Variants in KATNAL2 observed in about 807,000 individuals in gnomAD.
KATNAL2 encodes katanin p60 ATPase-containing subunit A-like 2.
KATNAL2 carries 52 observed loss-of-function variants against 76.3 expected under a neutral mutation model. The ratio of observed to expected loss-of-function variants is 0.68; its 90% CI spans 0.55 to 0.86. The LOEUF is 0.86. Ranked by LOEUF, KATNAL2 falls within the 40% of genes least tolerant of loss-of-function variation. The pLI, the probability that KATNAL2 is intolerant of heterozygous loss-of-function variation, is 0.00. For synonymous variants in KATNAL2, 243 were observed against 244.2 expected, an observed-to-expected ratio of 1.00 and a Z score of 0.05; for missense variants, 660 against 668.9, an observed-to-expected ratio of 0.99 and a Z score of 0.15.
At chr18:46,960,464 G>C (rs774439970) in intron 3 of KATNAL2, among the ~76,000 whole-genome samples, 2 of 151,816 alleles carry the variant, frequency 1.3e-5, no homozygotes, top group Non-Finnish European at 2.9e-5. Context: ...TTGCTAAGAT[G>C]AAGCGATAGA....
chr18:46,960,413 C>A (rs12386118), intron 3 of KATNAL2, among the ~76,000 whole-genome samples: 16 of 148,998 alleles, frequency 1.1e-4, no homozygotes, highest in Middle Eastern at 3.4e-3. Flanking sequence ...CTGGGCAACC[C>A]AAGAGCGAAA....
chr18:47,075,545 A>T (rs1178757391), intron 14 of KATNAL2, among the ~76,000 whole-genome samples, 177 bp downstream of exon 14: 4 of 152,264 alleles, frequency 2.6e-5, no homozygotes, highest in South Asian at 2.1e-4. Context: ...TGTTAACTGA[A>T]TAGCTGATTT....
intron 3 of KATNAL2, among the ~76,000 whole-genome samples, chr18:46,950,356 G>A (rs943504099): frequency 6.6e-6 from 1 of 152,046 alleles, no homozygotes; most frequent in Admixed American, 6.6e-5. Context: ...CTGGAGGAGG[G>A]GATGTGATCC....
At chr18:47,072,626 A>G (rs2062046712) in intron 13 of KATNAL2, among the ~76,000 whole-genome samples, 7 of 152,086 alleles carry the variant, frequency 4.6e-5, no homozygotes, top group South Asian at 4.1e-4. Context: ...TTGTGTAGAA[A>G]TCAGGTTTCA....
chr18:47,066,306 C>T (rs909342713), intron 10 of KATNAL2, among the ~76,000 whole-genome samples: 16 of 152,102 alleles, frequency 1.1e-4, no homozygotes, highest in African/African-American at 3.4e-4. Flanking sequence ...TGCTCTGAGG[C>T]GTCTGGTGAA....
At chr18:46,933,186 CAA>C (rs1403245974) in intron 1 of KATNAL2, among the ~76,000 whole-genome samples, 1 of 151,720 alleles carries the variant, frequency 6.6e-6, no homozygotes, top group African/African-American at 2.4e-5. Flanking sequence ...CTGAGGACAA[CAA>C]AAAAGCTGGA....
At chr18:47,041,643 G>A (rs1190117009) in intron 3 of KATNAL2, among the ~76,000 whole-genome samples, 4 of 152,154 alleles carry the variant, frequency 2.6e-5, no homozygotes, top group South Asian at 2.1e-4. Context: ...TGGCAATTAT[G>A]AATAAAGCTG....
At chr18:47,041,449 T>C (rs1414476179) in intron 3 of KATNAL2, among the ~76,000 whole-genome samples, 1 of 152,228 alleles carries the variant, frequency 6.6e-6, no homozygotes, top group Non-Finnish European at 1.5e-5. Flanking sequence ...TTTGGAATCA[T>C]ACAGTATATA....
At chr18:47,043,226 C>CAAAAAAAAAAAAAAAATAAAAA (rs2061026560) in intron 3 of KATNAL2, among the ~76,000 whole-genome samples, 1 of 41,688 alleles carries the variant, frequency 2.4e-5, no homozygotes, top group Non-Finnish European at 4.4e-5. Context: ...GACTCCGTTT[C>CAAAAAAAAAAAAAAAATAAAAA]AAAAAAAAAA....
chr18:47,079,784 A>C (rs2062421055), intron 15 of KATNAL2, among the ~76,000 whole-genome samples: 1 of 152,072 alleles, frequency 6.6e-6, no homozygotes, highest in Non-Finnish European at 1.5e-5. Flanking sequence ...TTACTCCTGT[A>C]ATTAGACTAA....
chr18:47,085,009 T>C (rs1052163712), intron 15 of KATNAL2, among the ~76,000 whole-genome samples: 2 of 152,116 alleles, frequency 1.3e-5, no homozygotes, highest in African/African-American at 2.4e-5. Flanking sequence ...TCTGCTCTGA[T>C]GCCACCCACT....
At chr18:47,033,724 A>T (rs1263997462) in intron 3 of KATNAL2, 1 of 1,614,164 alleles carries the variant, frequency 6.2e-7, no homozygotes, top group Non-Finnish European at 8.5e-7. Flanking sequence ...GCCCGAGTAC[A>T]CCGGCATCTT....
chr18:47,076,373 T>C (rs1303220042), intron 14 of KATNAL2: 1 of 152,244 alleles, frequency 6.6e-6, no homozygotes, highest in Non-Finnish European at 1.5e-5. Context: ...TGGAGCACTC[T>C]GCTTTCTATA....
chr18:47,084,535 G>C (rs2062679182), intron 15 of KATNAL2: 1 of 621,162 alleles, frequency 1.6e-6, no homozygotes, highest in Non-Finnish European at 2.9e-6. Context: ...TCCCCCAGCA[G>C]GGTTGCTCAA....
chr18:46,961,231 A>G (rs919920599), intron 3 of KATNAL2, among the ~76,000 whole-genome samples: 2 of 132,572 alleles, frequency 1.5e-5, no homozygotes, highest in Non-Finnish European at 3.1e-5. Flanking sequence ...TTTCCTTTTA[A>G]CTTTTCGCTT....
intron 3 of KATNAL2, among the ~76,000 whole-genome samples, chr18:46,955,144 T>TTCTTTCTTTC (rs2059696180): frequency 2.1e-5 from 1 of 48,268 alleles, no homozygotes; most frequent in Non-Finnish European, 4.3e-5. Context: ...CTCTCTCTCT[T>TTCTTTCTTTC]TCTTTCTTTC....
chr18:47,072,084 C>T (rs565465758), intron 13 of KATNAL2, among the ~76,000 whole-genome samples: 16 of 146,364 alleles, frequency 1.1e-4, no homozygotes, highest in Non-Finnish European at 1.0e-4. Flanking sequence ...CCTCAGCTTC[C>T]TGAGTAGCTG....
At chr18:47,080,815 GC>G (rs1232247347) in intron 15 of KATNAL2, among the ~76,000 whole-genome samples, 1 of 152,094 alleles carries the variant, frequency 6.6e-6, no homozygotes, top group Non-Finnish European at 1.5e-5. Flanking sequence ...GTCCTTATGG[GC>G]CAATTGCGTA....
chr18:46,942,106 A>G (rs948817949), intron 1 of KATNAL2, among the ~76,000 whole-genome samples: 1 of 152,192 alleles, frequency 6.6e-6, no homozygotes, highest in Non-Finnish European at 1.5e-5. Flanking sequence ...AGGTTGCTCT[A>G]TGAGGAAGTT....
Sources: allele counts gnomAD v4.1 joint callset (sites outside exome capture counted in the v4.1 genomes callset), GRCh38; gene constraint gnomAD v4.1.1; transcripts MANE v1.5; gene names NCBI Gene and HGNC (gene_info 2026-07-23, HGNC 2026-07-21).